Variants in IP6K3 observed in about 807,000 individuals in gnomAD.
The protein encoded by IP6K3 is inositol hexakisphosphate kinase 3.
Under a neutral mutation model 28.8 loss-of-function variants are expected in IP6K3, and 20 were observed. The ratio of observed to expected loss-of-function variants is 0.70; its 90% CI spans 0.49 to 1.01. The LOEUF (loss-of-function observed/expected upper bound fraction) is 1.01, where lower values mean the gene tolerates loss of function less well. Among genes scored for constraint, IP6K3 ranks in the 50% least tolerant of loss-of-function variants. The pLI is 0.00. For missense variants in IP6K3, 480 were observed against 537.1 expected (o/e 0.89, Z 1.05); for synonymous variants, 213 against 221.3 (o/e 0.96, Z 0.33).
chr6:33,723,389 G>A (rs1765985016), intron 5 of IP6K3, among the ~76,000 whole-genome samples: 1 of 152,200 alleles, frequency 6.6e-6, no homozygotes, highest in South Asian at 2.1e-4. Flanking sequence ...TTCTGTGCAA[G>A]TCTTTAATAG....
At chr6:33,726,967 T>G in intron 3 of IP6K3, 61 bp from the exon 4 acceptor site, 1 of 1,465,010 alleles carries the variant, frequency 6.8e-7, no homozygotes, top group Non-Finnish European at 9.2e-7. Context: ...CGCCGCTGCC[T>G]GTGGCTGACT....
intron 3 of IP6K3, among the ~76,000 whole-genome samples, chr6:33,727,336 T>A (rs886684700): frequency 6.6e-6 from 1 of 151,972 alleles, no homozygotes; most frequent in Non-Finnish European, 1.5e-5. Context: ...AGGAGTGGGG[T>A]GGGAGCTGTG....
chr6:33,725,570 A>G lies in IP6K3; in HGVS notation c.636T>C (p.Cys212=), dbSNP rs747293323. Residue 212 remains cysteine (C), a synonymous_variant, in exon 5 of 6, where the codon TGT becomes TGC. Transcript: ENST00000293756. ...GGGTCCCCATCTTCAGATCCAGGAC[A>G]CAGGGATGCGTGTACTGTGACACTA... ...ENVVSQYTHP[C]VLDLKMGTRQ... The G allele has an allele frequency of 6.2e-6, 10 of 1,614,108 alleles. No homozygotes were observed. The highest frequency in any genetic ancestry group is 8.5e-6 in the Non-Finnish European group (10 of 1,180,026).
chr6:33,722,679 A>C lies in IP6K3; in HGVS notation c.*41T>G, dbSNP rs765856645. ...CTAGCAACCAACAGGTCTCTATTTG[A>C]GATCTATAGCCCAGAAGAATCCAGA... is the stretch of plus-strand genomic sequence containing the variant. On this transcript the variant is annotated 3_prime_UTR_variant, in exon 6 of 6. Coordinates refer to ENST00000293756, the MANE Select transcript of IP6K3 (RefSeq NM_054111.5). 6 of 1,386,038 alleles carry C rather than the reference A, an allele frequency of 4.3e-6. No homozygotes were observed. In the African/African-American group the frequency reaches 8.7e-5, roughly 20 times the overall value. 85.9% of individuals were successfully genotyped at this position (1,386,038 alleles called of 1,614,324 possible). A position where few individuals can be genotyped will look rare whatever the true frequency, so the allele number is the denominator to read the frequency against.
the IP6K3 span, among the ~76,000 whole-genome samples, chr6:33,760,987 G>A: frequency 1.3e-5 from 2 of 150,286 alleles, no homozygotes; most frequent in Admixed American, 1.3e-4. Flanking sequence ...TTGTAGGTGA[G>A]ACTCTGAGAG....
At chr6:33,753,005 A>G in the IP6K3 span, among the ~76,000 whole-genome samples, 3 of 152,186 alleles carry the variant, frequency 2.0e-5, no homozygotes, top group Non-Finnish European at 2.9e-5. Flanking sequence ...TTGCAGTGGC[A>G]CAGTCATGGC....
chr6:33,751,212 C>A (rs954628990), upstream of IP6K3, among the ~76,000 whole-genome samples: 1 of 152,192 alleles, frequency 6.6e-6, no homozygotes, highest in African/African-American at 2.4e-5. The surrounding 1 kb of genome is among the most constrained non-coding windows in gnomAD (Gnocchi z 4.3). Context: ...TAGCTCCCAG[C>A]CCCACCTGGG....
In IP6K3 at chr6:33,746,152, G is replaced by A. The variant is rs142373859; in HGVS notation, c.-180+606C>T. 3.2e-3 allele frequency among the ~76,000 whole-genome samples: 492 copies of A among 152,188 alleles called. No homozygotes were observed. The highest frequency in any genetic ancestry group is 0.01 in the African/African-American group (431 of 41,502). On this transcript the variant is annotated intron_variant, in intron 1 of 5. Coordinates refer to ENST00000293756, the MANE Select transcript of IP6K3 (RefSeq NM_054111.5). The surrounding 1 kb of genome is among the most constrained non-coding windows in gnomAD (Gnocchi z 6.5). ...ACTGCCCAGGGCATCAGGGACCACC[G>A]TTTGGTGGAGACATGTCTCCCACCC...
the IP6K3 span, among the ~76,000 whole-genome samples, chr6:33,752,592 G>A: frequency 8.5e-5 from 13 of 152,240 alleles, no homozygotes; most frequent in Admixed American, 5.9e-4. Context: ...GGAGAGGAGA[G>A]ACAAAGTTAG....
chr6:33,723,272 G>C (rs1488043611), intron 5 of IP6K3, 85 bp from the exon 6 acceptor site: 1 of 867,046 alleles, frequency 1.2e-6, no homozygotes, highest in African/African-American at 1.7e-5. Context: ...CATAAGCTGG[G>C]ATAATATATG....
the IP6K3 span, among the ~76,000 whole-genome samples, chr6:33,752,186 C>T: frequency 6.6e-6 from 1 of 152,246 alleles, no homozygotes; most frequent in Non-Finnish European, 1.5e-5. Context: ...GCCGTTGATA[C>T]TCCACCCCGT....
At chr6:33,755,774 T>A in the IP6K3 span, among the ~76,000 whole-genome samples, 9 of 152,238 alleles carry the variant, frequency 5.9e-5, no homozygotes, top group Non-Finnish European at 1.2e-4. Context: ...CAGGCACAGA[T>A]CTGGGTAGTG....
chr6:33,743,350 C>T (rs1766795407), intron 1 of IP6K3, among the ~76,000 whole-genome samples: 1 of 152,216 alleles, frequency 6.6e-6, no homozygotes, highest in African/African-American at 2.4e-5. Flanking sequence ...CTCTGAAGCT[C>T]TAACTTACAT....
rs1416508921 is a variant in IP6K3 at position 33,735,503 on chromosome 6, C to T, written c.-27G>A. On this transcript the variant is annotated 5_prime_UTR_variant, in exon 2 of 6. Transcript: ENST00000293756. Reference sequence around the variant, plus strand: ...GCGGCAGATGGTGGTGGTGGGGGGTCCCTGCACAGTCTGCTAGAGGAAGGT... The same window carrying T: ...GCGGCAGATGGTGGTGGTGGGGGGTTCCTGCACAGTCTGCTAGAGGAAGGT... 1.2e-6 allele frequency: 2 copies of T among 1,601,260 alleles called. No homozygotes were observed. Among genetic ancestry groups the T allele is most frequent in the Admixed American group, 1.7e-5 (1 of 59,666 alleles).
the IP6K3 span, among the ~76,000 whole-genome samples, chr6:33,752,574 A>G: frequency 6.6e-6 from 1 of 152,214 alleles, no homozygotes; most frequent in African/African-American, 2.4e-5. Flanking sequence ...CAGTCCTTTC[A>G]TTTTCCAGGA....
Position 33,722,812 on chromosome 6 carries a change from C to T in IP6K3, c.1141G>A (p.Glu381Lys), listed in dbSNP as rs1360050535. The change falls in exon 6 of 6, where the codon GAG becomes AAG. Residue 381 changes from glutamate (E) to lysine (K), a missense_variant. Glu to Lys is a moderately conservative substitution (Grantham distance 56). Transcript: ENST00000293756. The part of the protein sequence containing the change: ...AHTTYKGYWN[E>K]HTTYDGPDPG... The stretch of plus-strand genomic sequence containing the variant: ...TCTGGTCCATCGTAGGTGGTGTGCT[C>T]ATTCCAGTAGCCCTTGTATGTGGTA... 5.6e-6 allele frequency: 9 copies of T among 1,614,026 alleles called. No individual in the cohort carries two copies. Among genetic ancestry groups the T allele is most frequent in the South Asian group, 1.1e-5 (1 of 91,056 alleles).
At position 33,723,017 on chromosome 6, in the gene IP6K3, G is replaced by A. The variant is rs1404072891; in HGVS notation, c.936C>T (p.Val312=). ...ILHQLRALLS[V]IRSQSSYRFY... ...AGCGGTATGAACTCTGGCTCCTAAT[G>A]ACAGAGAGGAGGGCCCGGAGCTGGT... Residue 312 remains valine, a synonymous_variant, in exon 6 of 6, where the codon GTC becomes GTT. Coordinates refer to ENST00000293756, the MANE Select transcript of IP6K3 (RefSeq NM_054111.5). 11 of 1,614,144 alleles carry A rather than the reference G, an allele frequency of 6.8e-6. No individual in the cohort carries two copies.
the IP6K3 span, among the ~76,000 whole-genome samples, chr6:33,752,341 G>A: frequency 6.6e-6 from 1 of 152,204 alleles, no homozygotes; most frequent in Non-Finnish European, 1.5e-5. Flanking sequence ...CTTCTCTAGG[G>A]TGGAGGGCCT....
chr6:33,761,935 C>A, the IP6K3 span, among the ~76,000 whole-genome samples: 4 of 152,138 alleles, frequency 2.6e-5, no homozygotes, highest in African/African-American at 9.7e-5. Flanking sequence ...ACCCTGGCAG[C>A]CTGCTGTGTG....
Sources: allele counts gnomAD v4.1 joint callset (sites outside exome capture counted in the v4.1 genomes callset), GRCh38; gene constraint gnomAD v4.1.1; non-coding constraint Gnocchi (gnomAD v3.1); transcripts MANE v1.5; gene names NCBI Gene and HGNC (gene_info 2026-07-23, HGNC 2026-07-21).